SPEF2: variants seen among roughly 807,000 people sequenced by gnomAD.
SPEF2 encodes sperm flagella and cilia-associated protein 2.
A neutral mutation model predicts 224.6 loss-of-function variants in SPEF2; 187 were observed. The observed-to-expected ratio is 0.83, with a 90% confidence interval of 0.74 to 0.94. The LOEUF is 0.94. Ranked by LOEUF, SPEF2 falls within the 40% of genes least tolerant of loss-of-function variation. SPEF2 has a pLI of 0.00. For missense variants in SPEF2, 2,170 were observed against 2,135.6 expected, an observed-to-expected ratio of 1.02 and a Z score of -0.32; for synonymous variants, 715 against 707.3, an observed-to-expected ratio of 1.01 and a Z score of -0.17.
chr5:35,810,775 C>T (rs1462284272), intron 36 of SPEF2, among the ~76,000 whole-genome samples: 1 of 152,198 alleles, frequency 6.6e-6, no homozygotes. Context: ...CTTCTGTTAA[C>T]CAGTCTCACA....
At chr5:35,702,513 A>T (rs1219498552) in intron 16 of SPEF2, among the ~76,000 whole-genome samples, 1 of 152,186 alleles carries the variant, frequency 6.6e-6, no homozygotes, top group East Asian at 1.9e-4. Flanking sequence ...TTTTGAGTTC[A>T]GGCATCAAAT....
intron 15 of SPEF2, chr5:35,698,954 T>C (rs1755734438): frequency 1.3e-5 from 2 of 152,186 alleles, no homozygotes; most frequent in South Asian, 4.1e-4. Context: ...AATCAACAAA[T>C]TTATTATATG....
chr5:35,656,423 A>G (rs1748962728), intron 7 of SPEF2, among the ~76,000 whole-genome samples: 1 of 152,158 alleles, frequency 6.6e-6, no homozygotes, highest in East Asian at 1.9e-4. Context: ...TGATTTCTTC[A>G]AATTTTATCT....
chr5:35,808,817 T>C (rs1235305422), intron 36 of SPEF2, among the ~76,000 whole-genome samples: 1 of 148,172 alleles, frequency 6.7e-6, no homozygotes, highest in Non-Finnish European at 1.5e-5. Flanking sequence ...CCAATATATA[T>C]ACATATATGT....
chr5:35,794,698 G>C (rs1433303467), intron 32 of SPEF2, among the ~76,000 whole-genome samples: 1 of 152,184 alleles, frequency 6.6e-6, no homozygotes, highest in Non-Finnish European at 1.5e-5. Context: ...ATATCAATTT[G>C]AACGTCCTTT....
intron 18 of SPEF2, among the ~76,000 whole-genome samples, chr5:35,707,758 C>T (rs1373757295): frequency 2.6e-5 from 4 of 152,070 alleles, no homozygotes; most frequent in Admixed American, 6.6e-5. Context: ...CTGGGCTAAC[C>T]ATCTCCCCTG....
intron 2 of SPEF2, 78 bp downstream of exon 2, chr5:35,628,640 G>A: frequency 1.0e-6 from 1 of 994,174 alleles, no homozygotes; most frequent in Non-Finnish European, 1.6e-6. Flanking sequence ...TACTGAGACT[G>A]GAGTGCAGTA....
At chr5:35,757,137 TATC>T (rs1319517240) in intron 24 of SPEF2, among the ~76,000 whole-genome samples, 2 of 144,408 alleles carry the variant, frequency 1.4e-5, no homozygotes, top group Admixed American at 6.8e-5. Context: ...CTAGTTATAA[TATC>T]ATAAAAATAT....
chr5:35,766,674 A>G lies in SPEF2; in HGVS notation c.3801+2972A>G, dbSNP rs567528213. 5.3e-5 allele frequency among the ~76,000 whole-genome samples: 8 copies of G among 150,416 alleles called. No homozygotes were observed. The East Asian group carries it at 1.6e-3, about 29-fold the overall frequency. ...CTTAATATCATATTTTCCTCGTGCT[A>G]TTTTCTTTGGGTTTACTTTGCCATT... On this transcript the variant is annotated intron_variant, in intron 26 of 36. Coordinates refer to ENST00000356031, the MANE Select transcript of SPEF2 (RefSeq NM_024867.4).
At chr5:35,675,740 T>G (rs1269061840) in intron 10 of SPEF2, 2 of 303,734 alleles carry the variant, frequency 6.6e-6, no homozygotes, top group African/African-American at 4.3e-5. Context: ...AGGATTCTTA[T>G]TTGTAGTAAT....
At chr5:35,676,756 A>G (rs1232170448) in intron 10 of SPEF2, among the ~76,000 whole-genome samples, 5 of 152,156 alleles carry the variant, frequency 3.3e-5, no homozygotes, top group South Asian at 2.1e-4. Context: ...TTTTAAAGCT[A>G]TGTCTTAACA....
intron 15 of SPEF2, chr5:35,699,897 GT>G (rs1261688889): frequency 3.9e-5 from 6 of 153,412 alleles, no homozygotes; most frequent in Non-Finnish European, 8.7e-5. Context: ...GTTTGACTGT[GT>G]CCCCATCCAA....
In SPEF2 at chr5:35,700,764, ACC is replaced by A. The variant is rs770645977; in HGVS notation, c.2398+13_2398+14del. The A allele has an allele frequency of 1.4e-5, 23 of 1,610,756 alleles. No individual in the cohort carries two copies. The highest frequency in any genetic ancestry group is 2.0e-5 in the Non-Finnish European group (23 of 1,178,012). ...GAATGATATTATAGGTAAGCTGGAC[ACC>A]TTTTTTGACACTCTTTTTACAATGA... is the stretch of plus-strand genomic sequence containing the variant. On this transcript the variant is annotated intron_variant, in intron 16 of 36. Coordinates refer to ENST00000356031, the MANE Select transcript of SPEF2 (RefSeq NM_024867.4).
chr5:35,621,366 C>G (rs1326188793), intron 1 of SPEF2, among the ~76,000 whole-genome samples: 4 of 146,856 alleles, frequency 2.7e-5, no homozygotes, highest in African/African-American at 1.1e-4. Flanking sequence ...AGGTATTGCC[C>G]TGGATGTTCA....
rs1334117253 is a variant in SPEF2 at position 35,641,376 on chromosome 5, G to T, written c.162-55G>T. 2.0e-6 allele frequency: 3 copies of T among 1,530,790 alleles called. No homozygotes were observed. In the African/African-American group the frequency reaches 4.2e-5, roughly 21 times the overall value. The allele number at this position is 1,530,790 out of a possible 1,614,324, so 94.8% of individuals were successfully genotyped here. ...AATGATAATATGTCTGATATTTGTTGTTTGTCTTTAATTTAATGCTAATGT... is the reference window on the plus strand; with the variant it reads ...AATGATAATATGTCTGATATTTGTTTTTTGTCTTTAATTTAATGCTAATGT... On this transcript the variant is annotated intron_variant, in intron 2 of 36. Transcript: ENST00000356031.
chr5:35,624,556 C>CT (rs1304992897), intron 1 of SPEF2, among the ~76,000 whole-genome samples: 1 of 152,058 alleles, frequency 6.6e-6, no homozygotes, highest in Non-Finnish European at 1.5e-5. Flanking sequence ...TTTTTCTTGC[C>CT]TTTTCTTTTT....
chr5:35,620,308 C>G (rs1743330418), intron 1 of SPEF2, among the ~76,000 whole-genome samples: 1 of 152,134 alleles, frequency 6.6e-6, no homozygotes, highest in Non-Finnish European at 1.5e-5. Context: ...GGAAAGTAAT[C>G]AGGCAATTTC....
At chr5:35,658,449 C>G (rs538252981) in intron 7 of SPEF2, among the ~76,000 whole-genome samples, 1 of 152,128 alleles carries the variant, frequency 6.6e-6, no homozygotes, top group Non-Finnish European at 1.5e-5. Context: ...GATATCCTCA[C>G]GGGGAACTAA....
chr5:35,663,422 T>C (rs2030815218), intron 8 of SPEF2, among the ~76,000 whole-genome samples: 2 of 152,178 alleles, frequency 1.3e-5, no homozygotes, highest in Admixed American at 1.3e-4. Flanking sequence ...ATGAAACTAG[T>C]CTTTTTCAAT....
Sources: allele counts gnomAD v4.1 joint callset (sites outside exome capture counted in the v4.1 genomes callset), GRCh38; gene constraint gnomAD v4.1.1; transcripts MANE v1.5; gene names NCBI Gene and HGNC (gene_info 2026-07-23, HGNC 2026-07-21).